The following NOX4 variants were observed in gnomAD, a reference collection of about 807,000 sequenced individuals.
NOX4 encodes NADPH oxidase 4, also known as kidney oxidase-1.
In NOX4, 69 loss-of-function variants were observed where a neutral mutation model predicts 87.6. That is an observed-to-expected ratio of 0.79 (90% CI 0.65 to 0.96). The LOEUF (loss-of-function observed/expected upper bound fraction) is 0.96, where lower values mean the gene tolerates loss of function less well. Ranked by LOEUF, NOX4 falls within the 40% of genes least tolerant of loss-of-function variation. The pLI is 0.00. For synonymous variants in NOX4, 275 were observed against 238.2 expected (o/e 1.15, Z -1.42); for missense variants, 680 against 681.5 (o/e 1.00, Z 0.02).
At chr11:89,499,926 G>C (rs941558807), upstream of NOX4, among the ~76,000 whole-genome samples, 1 of 152,034 alleles carries the variant, frequency 6.6e-6, no homozygotes, top group Non-Finnish European at 1.5e-5. Context: ...GTTACATTGA[G>C]AGAAAAACTA....
chr11:89,341,880 C>T (rs1946018453), intron 14 of NOX4, among the ~76,000 whole-genome samples, 194 bp downstream of exon 14: 2 of 152,170 alleles, frequency 1.3e-5, no homozygotes, highest in Admixed American at 6.6e-5. Flanking sequence ...CATCTTTCTA[C>T]AAGAGAATAT....
At chr11:89,439,927 G>T (rs889680937) in intron 6 of NOX4, among the ~76,000 whole-genome samples, 8 of 151,956 alleles carry the variant, frequency 5.3e-5, no homozygotes, top group African/African-American at 1.7e-4. Flanking sequence ...TAAATTTTAA[G>T]ATTAAAAAAA....
chr11:89,530,682 A>C, the NOX4 span, among the ~76,000 whole-genome samples: 5 of 151,944 alleles, frequency 3.3e-5, no homozygotes, highest in Admixed American at 6.6e-5. Flanking sequence ...TCTATTTTTT[A>C]GGATATGATT....
the NOX4 span, chr11:89,547,995 AAAG>A: frequency 6.6e-6 from 1 of 152,000 alleles, no homozygotes; most frequent in Non-Finnish European, 1.5e-5. Flanking sequence ...CAGTAACTAA[AAAG>A]AAAAAAGAAA....
chr11:89,510,663 CA>C, the NOX4 span, among the ~76,000 whole-genome samples: 1 of 151,814 alleles, frequency 6.6e-6, no homozygotes, highest in East Asian at 1.9e-4. Context: ...TCAGAGAAAA[CA>C]AAAAAGCAAG....
At chr11:89,493,194 G>A (rs1946903209), upstream of NOX4, among the ~76,000 whole-genome samples, 1 of 152,118 alleles carries the variant, frequency 6.6e-6, no homozygotes, top group Non-Finnish European at 1.5e-5. Context: ...AGGCCATCCT[G>A]GCCAACATGG....
In NOX4 at chr11:89,324,423, G is replaced by A. The variant is rs912227523; in HGVS notation, c.*2333C>T. 1.3e-5 allele frequency: 2 copies of A among 152,124 alleles called. No homozygotes were observed. Among genetic ancestry groups the A allele is most frequent in the Non-Finnish European group, 2.9e-5 (2 of 68,016 alleles). 9.4% of individuals were successfully genotyped at this position (152,124 alleles called of 1,614,324 possible). On this transcript the variant is annotated 3_prime_UTR_variant, in exon 18 of 18. Coordinates refer to ENST00000263317, the MANE Select transcript of NOX4 (RefSeq NM_016931.5). ...TTGTATTATAAGAATGATCCCCAGA[G>A]AAATAATCCCTCAAAATAAAACAAA...
At chr11:89,518,061 T>A in the NOX4 span, among the ~76,000 whole-genome samples, 5 of 151,940 alleles carry the variant, frequency 3.3e-5, no homozygotes, top group South Asian at 1.0e-3. Context: ...ACAAACTAAA[T>A]CCCAAAATAA....
At chr11:89,487,076 T>C (rs1450331598) in intron 2 of NOX4, among the ~76,000 whole-genome samples, 2 of 152,114 alleles carry the variant, frequency 1.3e-5, no homozygotes, top group African/African-American at 4.8e-5. Flanking sequence ...TACTAACCAG[T>C]AGTATAAGTA....
intron 4 of NOX4, among the ~76,000 whole-genome samples, chr11:89,447,828 T>C (rs973675293): frequency 6.6e-6 from 1 of 152,122 alleles, no homozygotes; most frequent in Non-Finnish European, 1.5e-5. Context: ...CCTTATCTCA[T>C]CCTCACTGAA....
chr11:89,439,552 G>A (rs1727995630), intron 6 of NOX4, among the ~76,000 whole-genome samples: 1 of 152,130 alleles, frequency 6.6e-6, no homozygotes, highest in Admixed American at 6.6e-5. Flanking sequence ...GCATTTGCCA[G>A]GGTAATGTGC....
the NOX4 span, among the ~76,000 whole-genome samples, chr11:89,578,511 T>C: frequency 6.6e-6 from 1 of 152,166 alleles, no homozygotes; most frequent in African/African-American, 2.4e-5. Context: ...TTACCATTAA[T>C]ACTCTCAACA....
chr11:89,440,414 G>A (rs371533604), intron 6 of NOX4, among the ~76,000 whole-genome samples: 3 of 152,044 alleles, frequency 2.0e-5, no homozygotes, highest in East Asian at 3.9e-4. Context: ...CTGCCTCCTG[G>A]GTTCAAGTGA....
the NOX4 span, among the ~76,000 whole-genome samples, chr11:89,578,942 C>T: frequency 3.3e-5 from 5 of 152,124 alleles, no homozygotes; most frequent in Non-Finnish European, 4.4e-5. Flanking sequence ...AAACAAATTG[C>T]AGCACTTACC....
chr11:89,418,146 T>G (rs1337890618), intron 8 of NOX4, among the ~76,000 whole-genome samples: 2 of 151,756 alleles, frequency 1.3e-5, no homozygotes, highest in East Asian at 1.9e-4. Flanking sequence ...AACAAAAAAT[T>G]TGGGTCCTAA....
chr11:89,425,601 T>C, intron 7 of NOX4, among the ~76,000 whole-genome samples: 2 of 152,094 alleles, frequency 1.3e-5, no homozygotes, highest in East Asian at 1.9e-4. Flanking sequence ...AATACTCTAA[T>C]ATGGTCCTAT....
intron 11 of NOX4, among the ~76,000 whole-genome samples, chr11:89,377,370 A>G (rs1350932107): frequency 6.6e-6 from 1 of 152,218 alleles, no homozygotes; most frequent in Non-Finnish European, 1.5e-5. Context: ...TATAAATTCT[A>G]GAATACACAT....
At chr11:89,459,317 C>G (rs1406399239) in intron 2 of NOX4, among the ~76,000 whole-genome samples, 2 of 151,772 alleles carry the variant, frequency 1.3e-5, no homozygotes, top group African/African-American at 4.8e-5. Context: ...GTGGGAGGAG[C>G]GTGACATTCA....
At chr11:89,584,755 G>GA in the NOX4 span, among the ~76,000 whole-genome samples, 4 of 151,902 alleles carry the variant, frequency 2.6e-5, no homozygotes, top group African/African-American at 9.7e-5. Context: ...TTCTCTACCT[G>GA]AAAAAGAATG....
Sources: allele counts gnomAD v4.1 joint callset (sites outside exome capture counted in the v4.1 genomes callset), GRCh38; gene constraint gnomAD v4.1.1; transcripts MANE v1.5; gene names NCBI Gene and HGNC (gene_info 2026-07-23, HGNC 2026-07-21).